MYLK3: variants seen among roughly 807,000 people sequenced by gnomAD.
MYLK3 encodes the protein MLC kinase.
Under a neutral mutation model 76.3 loss-of-function variants are expected in MYLK3, and 55 were observed. The observed-to-expected ratio is 0.72, with a 90% CI of 0.58 to 0.90. The LOEUF (loss-of-function observed/expected upper bound fraction) is 0.90. MYLK3 is among the 40% of genes least tolerant of loss of function. The pLI, the probability that MYLK3 is intolerant of heterozygous loss-of-function variation, is 0.00. For missense variants in MYLK3, 973 were observed against 1,053.6 expected, an observed-to-expected ratio of 0.92 and a Z score of 1.06; for synonymous variants, 416 against 425.4, an observed-to-expected ratio of 0.98 and a Z score of 0.27.
At chr16:46,727,519 C>G (rs1419967883) in intron 7 of MYLK3, 142 bp from the exon 8 acceptor site, 8 of 924,844 alleles carry the variant, frequency 8.7e-6, no homozygotes, top group African/African-American at 6.7e-5. Context: ...TGCCACTGCC[C>G]TTGGGTTTTT....
rs886436043 is a variant in MYLK3 at position 46,705,708 on chromosome 16, G to C, written c.*1996C>G. 3 of 152,042 alleles carry C rather than the reference G, an allele frequency of 2.0e-5. No individual in the cohort carries two copies. Among genetic ancestry groups the C allele is most frequent in the East Asian group, 1.9e-4 (1 of 5,186 alleles). 9.4% of individuals were successfully genotyped at this position (152,042 alleles called of 1,614,324 possible). On this transcript the variant is annotated 3_prime_UTR_variant, in exon 13 of 13. Coordinates refer to ENST00000394809, the MANE Select transcript of MYLK3 (RefSeq NM_182493.3). Reference sequence around the variant, plus strand: ...TGTATACAAGTTCGTAAATGTGTTAGTTGAAGCTGGGTGTGGTGGCTCACA... The same window carrying C: ...TGTATACAAGTTCGTAAATGTGTTACTTGAAGCTGGGTGTGGTGGCTCACA...
chr16:46,721,148 T>C lies in MYLK3; in HGVS notation c.1960A>G (p.Ile654Val), dbSNP rs145986736. ...CTTCTGGCCAGCCCAAAGTCAATGA[T>C]CTTAATTTGATGTCCTGTCTGATTG... is the stretch of plus-strand genomic sequence containing the variant. ...CVNQTGHQIK[I>V]IDFGLARRYK... Residue 654 changes from isoleucine to valine, a missense_variant, in exon 9 of 13, where the codon ATC becomes GTC. Physicochemically the swap from Ile to Val is conservative, Grantham distance 29. Transcript: ENST00000394809. The C allele has an allele frequency of 3.5e-3, 5,624 of 1,614,138 alleles. 16 individuals carry two copies. Among genetic ancestry groups the C allele is most frequent in the Middle Eastern group, 8.2e-3 (50 of 6,062 alleles).
chr16:46,755,821 G>A (rs192375335), intron 1 of MYLK3, among the ~76,000 whole-genome samples: 2 of 152,102 alleles, frequency 1.3e-5, no homozygotes, highest in East Asian at 3.9e-4. Context: ...TTAGCCATCA[G>A]CATGATGATG....
intron 9 of MYLK3, among the ~76,000 whole-genome samples, chr16:46,715,252 C>T (rs944004149): frequency 3.3e-5 from 5 of 152,220 alleles, no homozygotes; most frequent in African/African-American, 1.2e-4. Context: ...TTATCATGAG[C>T]TAATACAGTA....
intron 5 of MYLK3, 136 bp downstream of exon 5, chr16:46,730,457 T>C: frequency 1.4e-6 from 1 of 692,126 alleles, no homozygotes; most frequent in South Asian, 1.7e-5. Context: ...CTGTACAGGA[T>C]GTCCCACCCC....
At chr16:46,740,210 A>G in intron 1 of MYLK3, 63 bp from the exon 2 acceptor site, 2 of 1,376,176 alleles carry the variant, frequency 1.5e-6, no homozygotes, top group Non-Finnish European at 2.1e-6. Context: ...GGCCACAGAC[A>G]TTTGTTTAGC....
chr16:46,758,304 ACTCTCTCT>A (rs3044832), intron 1 of MYLK3, among the ~76,000 whole-genome samples: 44,686 of 87,382 alleles, frequency 0.51, 11,836 homozygotes, highest in South Asian at 0.66. Context: ...ACACACACAC[ACTCTCTCT>A]CTCTCTCTCT....
At chr16:46,728,860 G>C (rs570749022) in intron 7 of MYLK3, among the ~76,000 whole-genome samples, 164 bp downstream of exon 7, 1 of 152,210 alleles carries the variant, frequency 6.6e-6, no homozygotes, top group Non-Finnish European at 1.5e-5. Context: ...TCCACATTCC[G>C]TATTGGAGGT....
chr16:46,745,888 G>C (rs1967012725), intron 1 of MYLK3, among the ~76,000 whole-genome samples: 1 of 152,086 alleles, frequency 6.6e-6, no homozygotes, highest in African/African-American at 2.4e-5. Flanking sequence ...AGGATTCAAA[G>C]GAACTCAGAA....
intron 2 of MYLK3, 50 bp from the exon 3 acceptor site, chr16:46,738,193 G>T (rs1253953027): frequency 2.8e-6 from 4 of 1,407,260 alleles, no homozygotes; most frequent in Middle Eastern, 1.8e-4. Context: ...GGAGGAGTCT[G>T]CCACAAAGAT....
intron 1 of MYLK3, among the ~76,000 whole-genome samples, chr16:46,744,375 T>G (rs1346275430): frequency 8.2e-6 from 1 of 122,430 alleles, no homozygotes; most frequent in Non-Finnish European, 1.7e-5. Flanking sequence ...GTTTTTGCTC[T>G]TATTGCCCAG....
intron 2 of MYLK3, among the ~76,000 whole-genome samples, chr16:46,739,305 C>A (rs147472976): frequency 6.6e-6 from 1 of 152,138 alleles, no homozygotes; most frequent in Non-Finnish European, 1.5e-5. Flanking sequence ...TCTCTTAATA[C>A]GCATTGTTTT....
At position 46,748,265 on chromosome 16, in the gene MYLK3, G is replaced by A. The variant is rs928495476; in HGVS notation, c.-72C>T. 21 of 1,519,006 alleles carry A rather than the reference G, an allele frequency of 1.4e-5. No homozygotes were observed. The highest frequency in any genetic ancestry group is 1.7e-5 in the Non-Finnish European group (19 of 1,136,250). 94.1% of individuals were successfully genotyped at this position (1,519,006 alleles called of 1,614,324 possible). On this transcript the variant is annotated 5_prime_UTR_variant, in exon 1 of 13. Coordinates refer to ENST00000394809, the MANE Select transcript of MYLK3 (RefSeq NM_182493.3). This position sits in a 1 kb window ranked among gnomAD's most constrained non-coding sequence, Gnocchi z 4.3. ...ACAGACCCCTGGTTCTCACTCAGGCGGTGGTGTCTGCAAGGTCATTGTCCT... is the reference window on the plus strand; with the variant it reads ...ACAGACCCCTGGTTCTCACTCAGGCAGTGGTGTCTGCAAGGTCATTGTCCT...
intron 4 of MYLK3, among the ~76,000 whole-genome samples, chr16:46,731,076 A>T (rs1966851649): frequency 6.6e-6 from 1 of 152,200 alleles, no homozygotes; most frequent in African/African-American, 2.4e-5. Context: ...AGGGACTGTA[A>T]AGTCAGGGCT....
At chr16:46,718,442 G>T (rs148758250) in intron 9 of MYLK3, among the ~76,000 whole-genome samples, 1 of 152,330 alleles carries the variant, frequency 6.6e-6, no homozygotes, top group Non-Finnish European at 1.5e-5. Context: ...CACTGAAAAT[G>T]CATCATCACA....
At chr16:46,729,175 G>T in intron 6 of MYLK3, 42 bp from the exon 7 acceptor site, 1 of 1,504,752 alleles carries the variant, frequency 6.6e-7, no homozygotes, top group Non-Finnish European at 9.3e-7. Context: ...AAGCGAATGA[G>T]TCAAGAAGAG....
At position 46,702,696 on chromosome 16, in the gene MYLK3, C is replaced by T. The variant is rs1596740187; in HGVS notation, c.*5008G>A. The stretch of plus-strand genomic sequence containing the variant: ...CAGCACTTTGGGAGGCCGAGGTGGG[C>T]AGATCACGAGGTCAAGAGATCGAGA... On this transcript the variant is annotated 3_prime_UTR_variant, in exon 13 of 13. Coordinates refer to ENST00000394809, the MANE Select transcript of MYLK3 (RefSeq NM_182493.3). 6.6e-6 allele frequency among the ~76,000 whole-genome samples: 1 copy of T among 152,160 alleles called. No individual in the cohort carries two copies. The highest frequency in any genetic ancestry group is 1.9e-4 in the East Asian group (1 of 5,180).
At chr16:46,725,720 T>C (rs981006091) in intron 8 of MYLK3, 5 of 152,256 alleles carry the variant, frequency 3.3e-5, no homozygotes, top group African/African-American at 1.2e-4. Context: ...GATTTTGGTC[T>C]GTAGCCCTCT....
At chr16:46,740,189 A>C in intron 1 of MYLK3, 42 bp from the exon 2 acceptor site, 1 of 1,529,694 alleles carries the variant, frequency 6.5e-7, no homozygotes. Flanking sequence ...TATCATCAAC[A>C]TTGCCATTCA....
Sources: gnomAD v4.1 joint callset for allele counts (sites outside exome capture counted in the v4.1 genomes callset) on GRCh38, gnomAD v4.1.1 for gene constraint, Gnocchi (gnomAD v3.1) non-coding constraint, MANE v1.5 for transcripts, NCBI Gene and HGNC (gene_info 2026-07-23, HGNC 2026-07-21) for gene names.